Variants in AFF2 observed in about 807,000 individuals in gnomAD.
AFF2 encodes the protein AF4/FMR2 family member 2.
Under a neutral mutation model 76.9 loss-of-function variants are expected in AFF2, and 14 were observed. The ratio of observed to expected loss-of-function variants is 0.18; its 90% CI spans 0.12 to 0.28. The LOEUF (loss-of-function observed/expected upper bound fraction) is 0.28, where lower values mean the gene tolerates loss of function less well. Among genes scored for constraint, AFF2 ranks in the 10% least tolerant of loss-of-function variants. The pLI is 1.00. For missense variants in AFF2, 868 were observed against 1,001.1 expected (o/e 0.87, Z 1.79); for synonymous variants, 398 against 366.7 (o/e 1.09, Z -0.98).
Position 148,662,293 on chromosome X carries a change from C to T in AFF2, c.566C>T (p.Ser189Phe), listed in dbSNP as rs782397628. The T allele has an allele frequency of 2.5e-5, 30 of 1,210,133 alleles. No homozygotes were observed. Among genetic ancestry groups the T allele is most frequent in the Middle Eastern group, 2.3e-4 (1 of 4,376 alleles). The change falls in exon 3 of 21, where the codon TCT becomes TTT. Residue 189 changes from serine (S) to phenylalanine (F), a missense_variant. By Grantham distance (155) the Ser-to-Phe change is radical. Coordinates refer to ENST00000370460, the MANE Select transcript of AFF2 (RefSeq NM_002025.4). Reference sequence around the variant, plus strand: ...ATGCAGACTTTGACACAGGACCAGTCTCAAGCCAAACTGGAAGACTTCTTT... The same window carrying T: ...ATGCAGACTTTGACACAGGACCAGTTTCAAGCCAAACTGGAAGACTTCTTT... The part of the protein sequence containing the change: ...NKMQTLTQDQ[S>F]QAKLEDFFVY...
intron 1 of AFF2, among the ~76,000 whole-genome samples, chrX:148,519,652 T>C (rs2124214013): frequency 1.8e-5 from 2 of 112,427 alleles, no homozygotes; most frequent in African/African-American, 6.5e-5. Context: ...GGAAATAAGT[T>C]AATAAGAATG....
At chrX:148,723,912 C>CTT (rs1295941138) in intron 3 of AFF2, among the ~76,000 whole-genome samples, 1 of 96,002 alleles carries the variant, frequency 1.0e-5, no homozygotes, top group Non-Finnish European at 2.1e-5. Context: ...TTCTTTTTTT[C>CTT]TTTTTTCTTT....
In AFF2 at chrX:148,960,570, G is replaced by A. The variant is rs1015563237; in HGVS notation, c.2690+2112G>A. ...CTTTCTGGAGTTGAAGAAGAATGAA[G>A]CAATGACTGACCTCTTAGGGGTCTC... On this transcript the variant is annotated intron_variant, in intron 12 of 20. Coordinates refer to ENST00000370460, the MANE Select transcript of AFF2 (RefSeq NM_002025.4). Among the ~76,000 whole-genome samples, 3 of 112,741 alleles carry A rather than the reference G, an allele frequency of 2.7e-5. No homozygotes were observed. In the East Asian group the frequency reaches 8.4e-4, roughly 32 times the overall value.
intron 9 of AFF2, among the ~76,000 whole-genome samples, chrX:148,909,745 A>G (rs2071448641): frequency 8.9e-6 from 1 of 111,867 alleles, no homozygotes; most frequent in African/African-American, 3.3e-5. Context: ...TACTGGAACC[A>G]TACTGTTATC....
intron 1 of AFF2, among the ~76,000 whole-genome samples, chrX:148,528,442 G>C (rs1247278570): frequency 1.8e-5 from 2 of 111,651 alleles, no homozygotes; most frequent in Non-Finnish European, 3.8e-5. Context: ...TATGTCTTCA[G>C]TTGTGAAGTG....
chrX:148,889,314 C>A (rs1049564887), intron 8 of AFF2, among the ~76,000 whole-genome samples: 8 of 111,151 alleles, frequency 7.2e-5, no homozygotes, highest in African/African-American at 2.6e-4. Flanking sequence ...CATGCTGAGC[C>A]AGGTGACAGG....
chrX:148,597,145 T>C (rs1557247433), intron 1 of AFF2, among the ~76,000 whole-genome samples: 1 of 111,638 alleles, frequency 9.0e-6, no homozygotes, highest in Admixed American at 9.5e-5. Flanking sequence ...AAACCTCTGC[T>C]TGTGGGGCCT....
chrX:148,756,166 A>G (rs969536129), intron 3 of AFF2, among the ~76,000 whole-genome samples: 1 of 112,650 alleles, frequency 8.9e-6, no homozygotes, highest in Admixed American at 9.4e-5. Context: ...GAACAATAAT[A>G]GTGCCTACCT....
intron 3 of AFF2, among the ~76,000 whole-genome samples, chrX:148,700,276 C>A (rs1044633115): frequency 9.0e-6 from 1 of 111,484 alleles, no homozygotes; most frequent in Non-Finnish European, 1.9e-5. Context: ...TTCCCTGCAA[C>A]AGGACCAGGC....
intron 4 of AFF2, among the ~76,000 whole-genome samples, chrX:148,832,914 A>T (rs782201399): frequency 8.9e-6 from 1 of 112,034 alleles, no homozygotes; most frequent in Non-Finnish European, 1.9e-5. Flanking sequence ...TAACAACAAC[A>T]ATGAAATATG....
intron 1 of AFF2, among the ~76,000 whole-genome samples, chrX:148,571,489 A>C (rs782556596): frequency 9.0e-6 from 1 of 111,590 alleles, no homozygotes; most frequent in East Asian, 2.8e-4. Context: ...TTTGGGGCAC[A>C]TTTTCAGTGG....
rs189174479 is a variant in AFF2 at position 148,865,645 on chromosome X, A to C, written c.1263-20244A>C. Among the ~76,000 whole-genome samples, 14 of 112,161 alleles carry C rather than the reference A, an allele frequency of 1.2e-4. No homozygotes were observed. The East Asian group carries it at 3.9e-3, about 31-fold the overall frequency. The stretch of plus-strand genomic sequence containing the variant: ...TTTTCTTAAAGACAAAACAAAGACC[A>C]TTTATCTGGGTAACAATACATTACT... On this transcript the variant is annotated intron_variant, in intron 7 of 20. Coordinates refer to ENST00000370460, the MANE Select transcript of AFF2 (RefSeq NM_002025.4).
At position 148,997,111 on chromosome X, in the gene AFF2, T is replaced by C. The variant is rs1468095776; in HGVS notation, c.*5779T>C. ...TAACATTTGTTTTTAGTTAAAAGTA[T>C]CTACTTACTGTTTTAGCTCTGAACT... On this transcript the variant is annotated 3_prime_UTR_variant, in exon 21 of 21. Transcript: ENST00000370460. 8.9e-6 allele frequency: 1 copy of C among 112,309 alleles called. No homozygotes were observed. Among genetic ancestry groups the C allele is most frequent in the African/African-American group, 3.2e-5 (1 of 30,812 alleles). 9.3% of individuals were successfully genotyped at this position (112,309 alleles called of 1,213,427 possible).
At chrX:148,836,743 A>C (rs1557273836) in intron 4 of AFF2, among the ~76,000 whole-genome samples, 2 of 111,607 alleles carry the variant, frequency 1.8e-5, no homozygotes. Context: ...CATGTTGGCC[A>C]CATGCCCTAA....
At chrX:148,783,258 C>T (rs1013548161) in intron 3 of AFF2, among the ~76,000 whole-genome samples, 1 of 111,524 alleles carries the variant, frequency 9.0e-6, no homozygotes, top group Non-Finnish European at 1.9e-5. Flanking sequence ...GAAGCCTGAG[C>T]CATTTTCTCA....
chrX:148,634,099 C>A (rs181889385), intron 1 of AFF2, among the ~76,000 whole-genome samples: 31 of 111,625 alleles, frequency 2.8e-4, no homozygotes, highest in Non-Finnish European at 3.6e-4. Context: ...GATCTCAATA[C>A]CCTCTAATAA....
chrX:148,572,009 A>G (rs933993614), intron 1 of AFF2, among the ~76,000 whole-genome samples: 25 of 108,705 alleles, frequency 2.3e-4, no homozygotes, highest in Admixed American at 2.1e-3. Context: ...AATATTTGTA[A>G]ACCATAGATC....
intron 2 of AFF2, among the ~76,000 whole-genome samples, chrX:148,656,187 TAATAGGG>T (rs1326477553): frequency 8.9e-6 from 1 of 112,076 alleles, no homozygotes; most frequent in African/African-American, 3.3e-5. Context: ...ATTTGGTTGG[TAATAGGG>T]AACTTCTCTC....
intron 1 of AFF2, among the ~76,000 whole-genome samples, chrX:148,527,771 C>CATTG (rs1264478335): frequency 1.2e-4 from 13 of 111,937 alleles, no homozygotes; most frequent in African/African-American, 4.2e-4. Context: ...TCATTCTATG[C>CATTG]ATTGACCTTT....
Sources: allele counts gnomAD v4.1 joint callset (sites outside exome capture counted in the v4.1 genomes callset), GRCh38; gene constraint gnomAD v4.1.1; transcripts MANE v1.5; gene names NCBI Gene and HGNC (gene_info 2026-07-23, HGNC 2026-07-21).